The following CCDC97 variants were observed in gnomAD, a reference collection of about 807,000 sequenced individuals.
The protein encoded by CCDC97 is coiled-coil domain-containing protein 97.
CCDC97 carries 27 observed loss-of-function variants against 33.9 expected under a neutral mutation model. The ratio of observed to expected loss-of-function variants is 0.80; its 90% CI spans 0.59 to 1.10. The LOEUF (loss-of-function observed/expected upper bound fraction) is 1.10, where lower values mean the gene tolerates loss of function less well. CCDC97 is among the 50% of genes least tolerant of loss of function. The pLI, the probability that CCDC97 is intolerant of heterozygous loss-of-function variation, is 0.00. For missense variants in CCDC97, 422 were observed against 476.6 expected (o/e 0.89, Z 1.07); for synonymous variants, 217 against 194.0 (o/e 1.12, Z -0.99).
At position 41,322,858 on chromosome 19, in the gene CCDC97, G is replaced by A; in HGVS notation, c.*143G>A. The A allele has an allele frequency of 1.1e-6, 1 of 921,972 alleles. No individual in the cohort carries two copies. The highest frequency in any genetic ancestry group is 1.6e-6 in the Non-Finnish European group (1 of 639,910). 57.1% of individuals were successfully genotyped at this position (921,972 alleles called of 1,614,324 possible). On this transcript the variant is annotated 3_prime_UTR_variant, in exon 5 of 5. Transcript: ENST00000269967. ...ACACACCACCATCTCACTGGGTCTA[G>A]TCTCATCTCAGACAACCCCCACCCC...
intron 4 of CCDC97, 75 bp downstream of exon 4, chr19:41,320,545 C>T: frequency 6.3e-7 from 1 of 1,580,568 alleles, no homozygotes; most frequent in Non-Finnish European, 8.7e-7. Flanking sequence ...GAGCCCTTAA[C>T]AAGCTGTGGG....
At chr19:41,320,178 G>A (rs545897811) in intron 3 of CCDC97, among the ~76,000 whole-genome samples, 163 bp from the exon 4 acceptor site, 5 of 152,238 alleles carry the variant, frequency 3.3e-5, no homozygotes, top group Admixed American at 1.3e-4. Context: ...TGTTTTATGC[G>A]TGTCCCTGGA....
chr19:41,310,636 TAAC>T, intron 1 of CCDC97: 1 of 985,240 alleles, frequency 1.0e-6, no homozygotes, highest in Non-Finnish European at 1.2e-6. Flanking sequence ...ACTCTCAAAT[TAAC>T]AGAAACCTCT....
In CCDC97 at chr19:41,310,321, T is replaced by TGGCGAC. The variant is rs377515634; in HGVS notation, c.22_27dup (p.Thr8_Ala9dup). On this transcript the variant is annotated inframe_insertion, in exon 1 of 5. Transcript: ENST00000269967. ...TCCGAGAGAATCAGGATGGAGGCCG[T>TGGCGAC]GGCGACGGCGACGGCGGCGAAGGAA... 269 of 1,605,328 alleles carry TGGCGAC rather than the reference T, an allele frequency of 1.7e-4. 2 individuals carry two copies. In the African/African-American group the frequency reaches 2.6e-3, roughly 15 times the overall value.
In CCDC97 at chr19:41,319,582, T is replaced by C; in HGVS notation, c.511T>C (p.Tyr171His). The change falls in exon 3 of 5, where the codon TAC becomes CAC. Residue 171 changes from tyrosine to histidine, a missense_variant. By Grantham distance (83) the Tyr-to-His change is moderately conservative. Coordinates refer to ENST00000269967, the MANE Select transcript of CCDC97 (RefSeq NM_052848.3). ...ALRELIQGGEYFSDEQMRFRA... is the reference protein window; with the variant it reads ...ALRELIQGGEHFSDEQMRFRA... ...GTCTCTCCTCTGTGCAGGGGGCGAG[T>C]ACTTCAGTGATGAGCAGATGCGGTT... 6.3e-7 allele frequency: 1 copy of C among 1,598,450 alleles called. No homozygotes were observed. Among genetic ancestry groups the C allele is most frequent in the Non-Finnish European group, 8.5e-7 (1 of 1,170,000 alleles).
chr19:41,310,681 A>G, intron 1 of CCDC97: 1 of 1,249,234 alleles, frequency 8.0e-7, no homozygotes, highest in Non-Finnish European at 1.0e-6. Context: ...ATTGCCTCAG[A>G]CCAGCCCTTC....
intron 1 of CCDC97, among the ~76,000 whole-genome samples, chr19:41,315,831 A>G (rs528456576): frequency 6.6e-6 from 1 of 150,886 alleles, no homozygotes; most frequent in Non-Finnish European, 1.5e-5. Flanking sequence ...AGTGGCTTAC[A>G]CCTTTAATGC....
At chr19:41,316,326 G>A (rs1333244121) in intron 1 of CCDC97, 58 bp from the exon 2 acceptor site, 3 of 1,367,666 alleles carry the variant, frequency 2.2e-6, no homozygotes, top group Non-Finnish European at 3.1e-6. Context: ...GAGTGACTAA[G>A]CCCCCAGTCC....
chr19:41,310,658 G>A (rs1293666466), intron 1 of CCDC97: 2 of 1,312,896 alleles, frequency 1.5e-6, no homozygotes, highest in Non-Finnish European at 1.9e-6. Context: ...CTCTACCCCG[G>A]CCTAATTCCT....
At chr19:41,319,381 G>A (rs767961010) in intron 2 of CCDC97, among the ~76,000 whole-genome samples, 193 bp from the exon 3 acceptor site, 3 of 151,198 alleles carry the variant, frequency 2.0e-5, no homozygotes, top group Non-Finnish European at 4.5e-5. Context: ...TCACACGCAC[G>A]CCTCAGGCGC....
At chr19:41,322,485 C>G in intron 4 of CCDC97, 110 bp from the exon 5 acceptor site, 2 of 1,238,680 alleles carry the variant, frequency 1.6e-6, no homozygotes, top group Non-Finnish European at 2.3e-6. Context: ...AGGGTCAGCT[C>G]TGACGGCTGC....
chr19:41,313,448 T>G (rs147961963), intron 1 of CCDC97, among the ~76,000 whole-genome samples: 33 of 152,324 alleles, frequency 2.2e-4, no homozygotes, highest in Admixed American at 6.5e-4. Context: ...CGCTCACTCA[T>G]GATCCTGTTC....
chr19:41,310,543 C>CCAT, intron 1 of CCDC97, 187 bp downstream of exon 1: 1 of 985,350 alleles, frequency 1.0e-6, no homozygotes, highest in South Asian at 4.7e-5. Flanking sequence ...TTCTTTTCCT[C>CCAT]CATTCCTTCC....
At position 41,319,868 on chromosome 19, in the gene CCDC97, A is replaced by G. The variant is rs753157007; in HGVS notation, c.781+16A>G. 20 of 1,261,364 alleles carry G rather than the reference A, an allele frequency of 1.6e-5. No individual in the cohort carries two copies. Among genetic ancestry groups the G allele is most frequent in the African/African-American group, 4.4e-5 (3 of 67,676 alleles). 78.1% of individuals were successfully genotyped at this position (1,261,364 alleles called of 1,614,324 possible). On this transcript the variant is annotated intron_variant, in intron 3 of 4. Transcript: ENST00000269967. ...GACGAGGAAGGTGAGGGCCAGTAGC[A>G]GGAAGACCCCAGATTCCAGACACCC...
Position 41,319,827 on chromosome 19 carries a change from A to AGAG in CCDC97, c.765_767dup (p.Glu255dup). On this transcript the variant is annotated inframe_insertion, in exon 3 of 5. Transcript: ENST00000269967. ...AGGAGGCCTGCTTGGAGGAAGAGGA[A>AGAG]GAGGAGGAGGACAGTGACGAGGAAG... is the stretch of plus-strand genomic sequence containing the variant. 6.4e-7 allele frequency: 1 copy of AGAG among 1,566,292 alleles called. No homozygotes were observed. The highest frequency in any genetic ancestry group is 8.7e-7 in the Non-Finnish European group (1 of 1,145,030).
intron 4 of CCDC97, 195 bp downstream of exon 4, chr19:41,320,665 C>A: frequency 1.7e-6 from 1 of 595,354 alleles, no homozygotes; most frequent in East Asian, 3.0e-5. Flanking sequence ...ATCTCAGACC[C>A]TCAGTCTCCT....
rs1396527923 is a variant in CCDC97 at position 41,316,500 on chromosome 19, A to G, written c.163A>G (p.Thr55Ala). The stretch of plus-strand genomic sequence containing the variant: ...AACACCAGTGGCCCTGGACAGTGAC[A>G]CCTCCGGGGCTGAAAATGCAGCAGT... ...EATPVALDSD[T>A]SGAENAAVSA... The change falls in exon 2 of 5, where the codon ACC (threonine) becomes GCC (alanine). Residue 55 changes from threonine to alanine, a missense_variant. Transcript: ENST00000269967. 1.2e-6 allele frequency: 2 copies of G among 1,613,902 alleles called. No individual in the cohort carries two copies. The highest frequency in any genetic ancestry group is 1.7e-6 in the Non-Finnish European group (2 of 1,179,982).
Position 41,322,988 on chromosome 19 carries a change from C to T in CCDC97, c.*273C>T, listed in dbSNP as rs185328033. On this transcript the variant is annotated 3_prime_UTR_variant, in exon 5 of 5. Coordinates refer to ENST00000269967, the MANE Select transcript of CCDC97 (RefSeq NM_052848.3). Reference sequence around the variant, plus strand: ...TTTCTGTCTCTTTCTGTCTTTCTGTCTCTCTCCCTACCCCCGCTCCCTCTT... The same window carrying T: ...TTTCTGTCTCTTTCTGTCTTTCTGTTTCTCTCCCTACCCCCGCTCCCTCTT... 3.5e-6 allele frequency: 1 copy of T among 287,516 alleles called. No homozygotes were observed. The highest frequency in any genetic ancestry group is 7.9e-5 in the East Asian group (1 of 12,632). 17.8% of individuals were successfully genotyped at this position (287,516 alleles called of 1,614,324 possible).
intron 1 of CCDC97, among the ~76,000 whole-genome samples, chr19:41,315,610 CA>C (rs753192806): frequency 1.7e-3 from 212 of 127,278 alleles, no homozygotes; most frequent in African/African-American, 2.3e-3. Flanking sequence ...AACTCCATCT[CA>C]AAAAAAAAAA....
Sources: gnomAD v4.1 joint callset for allele counts (sites outside exome capture counted in the v4.1 genomes callset) on GRCh38, gnomAD v4.1.1 for gene constraint, MANE v1.5 for transcripts, NCBI Gene and HGNC (gene_info 2026-07-23, HGNC 2026-07-21) for gene names.